The following PLA2G7 variants were observed in gnomAD, a reference collection of about 807,000 sequenced individuals.
PLA2G7 encodes phospholipase A2 group VII.
PLA2G7 carries 63 observed loss-of-function variants against 49.6 expected under a neutral mutation model. The ratio of observed to expected loss-of-function variants is 1.27; its 90% CI spans 1.04 to 1.57. The LOEUF is 1.57. PLA2G7 is among the 40% of genes most tolerant of loss of function. The probability of loss-of-function intolerance (pLI) is 0.00; values close to 1 mark genes in which losing one functional copy is unlikely to be tolerated. For synonymous variants in PLA2G7, 193 were observed against 169.9 expected (o/e 1.14, Z -1.06); for missense variants, 596 against 521.2 (o/e 1.14, Z -1.40).
At chr6:46,712,384 C>T in intron 5 of PLA2G7, 47 bp from the exon 6 acceptor site, 1 of 1,386,710 alleles carries the variant, frequency 7.2e-7, no homozygotes, top group Non-Finnish European at 1.0e-6. Flanking sequence ...GTCATGATTA[C>T]AAGGCTGAGT....
Position 46,716,660 on chromosome 6 carries a change from G to A in PLA2G7, c.232-132C>T, listed in dbSNP as rs1582573828. The A allele has an allele frequency of 9.6e-6, 8 of 829,364 alleles. No homozygotes were observed. The East Asian group carries it at 1.6e-4, about 16-fold the overall frequency. The allele number at this position is 829,364 out of a possible 1,614,324, so 51.4% of individuals were successfully genotyped here. A position where few individuals can be genotyped will look rare whatever the true frequency, so the allele number is the denominator to read the frequency against. ...ACAAAAAGGTCTAAAGAACTTTTTA[G>A]GCTGCTGTGGTGATTGAAGATAGTC... On this transcript the variant is annotated intron_variant, in intron 3 of 11. Transcript: ENST00000274793.
chr6:46,719,161 G>A (rs546637448), intron 2 of PLA2G7, among the ~76,000 whole-genome samples: 5 of 152,274 alleles, frequency 3.3e-5, no homozygotes, highest in African/African-American at 1.2e-4. Flanking sequence ...TCCATTGGAT[G>A]GTGGGAGTTG....
chr6:46,713,952 G>A (rs755956012), intron 5 of PLA2G7, among the ~76,000 whole-genome samples: 3 of 152,210 alleles, frequency 2.0e-5, no homozygotes, highest in Non-Finnish European at 2.9e-5. Context: ...CCATTGGCCT[G>A]GCTCAATATT....
At chr6:46,732,124 C>A (rs889200190) in intron 1 of PLA2G7, among the ~76,000 whole-genome samples, 11 of 152,152 alleles carry the variant, frequency 7.2e-5, no homozygotes, top group African/African-American at 2.4e-4. Flanking sequence ...CTGGCTCCTG[C>A]CCCTAAAGCT....
chr6:46,704,644 C>T lies in PLA2G7; in HGVS notation c.1242G>A (p.Glu414=). ...QWDCLIEGDD[E]NLIPGTNINT... Reference sequence around the variant, plus strand: ...TAATGTTGGTCCCTGGAATAAGATTCTCATCATCTCCTTCAATCAAGCAGT... The same window carrying T: ...TAATGTTGGTCCCTGGAATAAGATTTTCATCATCTCCTTCAATCAAGCAGT... The change falls in exon 12 of 12, where the codon GAG becomes GAA. Residue 414 remains glutamate (E), a synonymous_variant. Transcript: ENST00000274793. 1 of 1,577,892 alleles carries T rather than the reference C, an allele frequency of 6.3e-7. No individual in the cohort carries two copies. Among genetic ancestry groups the T allele is most frequent in the Non-Finnish European group, 8.7e-7 (1 of 1,146,968 alleles).
chr6:46,713,130 G>T (rs1338798848), intron 5 of PLA2G7, among the ~76,000 whole-genome samples: 1 of 152,198 alleles, frequency 6.6e-6, no homozygotes, highest in Non-Finnish European at 1.5e-5. Flanking sequence ...GGGTGAAATA[G>T]TTGAAAAATC....
chr6:46,716,887 GCAAGGT>G, intron 3 of PLA2G7, 82 bp downstream of exon 3: 1 of 1,341,848 alleles, frequency 7.5e-7, no homozygotes, highest in South Asian at 1.2e-5. Context: ...TCAGGTGAGG[GCAAGGT>G]CACATTTGAA....
intron 6 of PLA2G7, among the ~76,000 whole-genome samples, chr6:46,711,854 G>T (rs543185536): frequency 8.5e-5 from 13 of 152,146 alleles, no homozygotes; most frequent in Non-Finnish European, 1.9e-4. Context: ...CCTAATTCTG[G>T]GAGGCAATGT....
At chr6:46,734,828 A>G (rs1005385372) in intron 1 of PLA2G7, among the ~76,000 whole-genome samples, 8 of 151,186 alleles carry the variant, frequency 5.3e-5, no homozygotes, top group Non-Finnish European at 1.0e-4. Flanking sequence ...CCTCAAAAGA[A>G]AGAAAGAAGG....
At chr6:46,706,650 A>T (rs1764841532) in intron 10 of PLA2G7, among the ~76,000 whole-genome samples, 1 of 152,244 alleles carries the variant, frequency 6.6e-6, no homozygotes, top group African/African-American at 2.4e-5. Flanking sequence ...TCAAAGAGTG[A>T]ATAGAAGTAA....
intron 1 of PLA2G7, 47 bp from the exon 2 acceptor site, chr6:46,722,972 G>T (rs1765448543): frequency 3.8e-6 from 3 of 783,458 alleles, no homozygotes; most frequent in Non-Finnish European, 6.7e-6. Context: ...CAATGAAGAG[G>T]CCTTAAATAA....
intron 1 of PLA2G7, among the ~76,000 whole-genome samples, chr6:46,727,321 G>A (rs971221544): frequency 1.8e-4 from 28 of 152,154 alleles, no homozygotes; most frequent in Admixed American, 1.2e-3. Flanking sequence ...GTCCAATCTC[G>A]AGTTTGAAAT....
At position 46,712,272 on chromosome 6, in the gene PLA2G7, T is replaced by C. The variant is rs746889345; in HGVS notation, c.536A>G (p.His179Arg). ...CCAATTATATCAGGTAACATACCTGTGTTCTACAGCAGCAACTATAAACCC... is the reference window on the plus strand; with the variant it reads ...CCAATTATATCAGGTAACATACCTGCGTTCTACAGCAGCAACTATAAACCC... ...SHGFIVAAVE[H>R]RDRSASATYY... The change falls in exon 6 of 12, where the codon CAC becomes CGC. Residue 179 changes from histidine to arginine, a missense_variant. Coordinates refer to ENST00000274793, the MANE Select transcript of PLA2G7 (RefSeq NM_005084.4). The C allele has an allele frequency of 3.1e-6, 5 of 1,606,220 alleles. No homozygotes were observed. Among genetic ancestry groups the C allele is most frequent in the Non-Finnish European group, 4.3e-6 (5 of 1,172,904 alleles).
intron 7 of PLA2G7, 52 bp downstream of exon 7, chr6:46,711,443 CT>C: frequency 6.2e-7 from 1 of 1,602,688 alleles, no homozygotes; most frequent in Non-Finnish European, 8.5e-7. Context: ...AAATGTCATC[CT>C]TTTGTACATG....
chr6:46,724,011 G>A (rs45575631), intron 1 of PLA2G7, among the ~76,000 whole-genome samples: 2 of 152,040 alleles, frequency 1.3e-5, no homozygotes, highest in Non-Finnish European at 2.9e-5. Context: ...CCACTTTGAG[G>A]GCTTTGAATG....
chr6:46,714,976 C>T (rs1055130360), intron 4 of PLA2G7, among the ~76,000 whole-genome samples: 2 of 151,972 alleles, frequency 1.3e-5, no homozygotes, highest in African/African-American at 4.8e-5. Context: ...CTCAGGTGAT[C>T]CACCTGCCTC....
chr6:46,723,573 T>A lies in PLA2G7; in HGVS notation c.-34-648A>T, dbSNP rs143901185. Among the ~76,000 whole-genome samples, 104 of 152,296 alleles carry A rather than the reference T, an allele frequency of 6.8e-4. 2 individuals carry two copies. The East Asian group carries it at 0.015, about 21-fold the overall frequency. ...TATGAGATGTGTGGTAATAATAAATTATAATTAGTCTGTATGCTAACATCT... is the reference window on the plus strand; with the variant it reads ...TATGAGATGTGTGGTAATAATAAATAATAATTAGTCTGTATGCTAACATCT... On this transcript the variant is annotated intron_variant, in intron 1 of 11. Transcript: ENST00000274793.
At chr6:46,724,703 T>C (rs1291685666) in intron 1 of PLA2G7, among the ~76,000 whole-genome samples, 6 of 152,222 alleles carry the variant, frequency 3.9e-5, no homozygotes, top group African/African-American at 1.4e-4. Flanking sequence ...CATGTGCTGA[T>C]GTAGTGCAGT....
rs1805019 is a variant in PLA2G7, at chr6:46,722,902, G to A, written c.-11C>T. 28 of 1,537,206 alleles carry A rather than the reference G, an allele frequency of 1.8e-5. No individual in the cohort carries two copies. The highest frequency in any genetic ancestry group is 1.8e-4 in the Middle Eastern group (1 of 5,692). On this transcript the variant is annotated 5_prime_UTR_variant, in exon 2 of 12. Coordinates refer to ENST00000274793, the MANE Select transcript of PLA2G7 (RefSeq NM_005084.4). ...TTTGGGTGGCACCATCTTGGGAGCT[G>A]AGCAGCAGTTTCAGCTTAGTCTCCT...
Sources: allele counts gnomAD v4.1 joint callset (sites outside exome capture counted in the v4.1 genomes callset), GRCh38; gene constraint gnomAD v4.1.1; transcripts MANE v1.5; gene names NCBI Gene and HGNC (gene_info 2026-07-23, HGNC 2026-07-21).